Variants in GALNT7 observed in about 807,000 individuals in gnomAD.
The protein encoded by GALNT7 is N-acetylgalactosaminyltransferase 7.
A neutral mutation model predicts 82.1 loss-of-function variants in GALNT7; 60 were observed. The observed-to-expected ratio is 0.73, with a 90% CI of 0.59 to 0.91. The LOEUF (loss-of-function observed/expected upper bound fraction) is 0.91, where lower values mean the gene tolerates loss of function less well. Among genes scored for constraint, GALNT7 ranks in the 40% least tolerant of loss-of-function variants. The pLI, the probability that GALNT7 is intolerant of heterozygous loss-of-function variation, is 0.00. For missense variants in GALNT7, 660 were observed against 804.2 expected, an observed-to-expected ratio of 0.82 and a Z score of 2.17; for synonymous variants, 243 against 275.1, an observed-to-expected ratio of 0.88 and a Z score of 1.15.
intron 2 of GALNT7, among the ~76,000 whole-genome samples, chr4:173,266,537 G>A (rs1406638946): frequency 1.3e-5 from 2 of 152,110 alleles, no homozygotes; most frequent in African/African-American, 4.8e-5. Context: ...ACATTTTATA[G>A]TAATAAAAAT....
intron 2 of GALNT7, among the ~76,000 whole-genome samples, chr4:173,255,985 C>T (rs374551035): frequency 1.2e-4 from 18 of 152,128 alleles, no homozygotes; most frequent in African/African-American, 4.3e-4. Context: ...GAAATTATAT[C>T]AATTCAGTGT....
chr4:173,312,556 C>T (rs1208775601), intron 8 of GALNT7, among the ~76,000 whole-genome samples: 1 of 152,230 alleles, frequency 6.6e-6, no homozygotes, highest in African/African-American at 2.4e-5. Flanking sequence ...CAGGCCCTGC[C>T]TCCCAGCATT....
intron 1 of GALNT7, among the ~76,000 whole-genome samples, chr4:173,189,503 A>G (rs538916965): frequency 3.6e-4 from 55 of 152,372 alleles, no homozygotes; most frequent in Non-Finnish European, 6.9e-4. Flanking sequence ...GGAAATATCA[A>G]AATAGTTCCT....
At chr4:173,206,179 C>T (rs1233316446) in intron 1 of GALNT7, among the ~76,000 whole-genome samples, 1 of 152,148 alleles carries the variant, frequency 6.6e-6, no homozygotes, top group Non-Finnish European at 1.5e-5. Flanking sequence ...TTCATTTTGC[C>T]GGCAGATCCA....
chr4:173,169,833 C>A (rs1731794289), intron 1 of GALNT7, among the ~76,000 whole-genome samples: 1 of 151,940 alleles, frequency 6.6e-6, no homozygotes, highest in Non-Finnish European at 1.5e-5. Context: ...CTGCTTGGGC[C>A]GGAAAACTAA....
chr4:173,239,952 C>G (rs564157215), intron 1 of GALNT7, among the ~76,000 whole-genome samples: 9 of 152,094 alleles, frequency 5.9e-5, no homozygotes, highest in Non-Finnish European at 1.2e-4. Flanking sequence ...GTAAATATAA[C>G]GGATTTGTTA....
At chr4:173,313,214 C>T (rs917104958) in intron 8 of GALNT7, among the ~76,000 whole-genome samples, 7 of 151,944 alleles carry the variant, frequency 4.6e-5, no homozygotes, top group Non-Finnish European at 7.4e-5. Flanking sequence ...TTTTGTTTCT[C>T]ATGATGGTTT....
chr4:173,207,391 T>A (rs1733133744), intron 1 of GALNT7, among the ~76,000 whole-genome samples: 1 of 152,254 alleles, frequency 6.6e-6, no homozygotes, highest in African/African-American at 2.4e-5. Flanking sequence ...TTTCTACATT[T>A]ATGTATATAT....
chr4:173,263,364 G>C (rs1249101424), intron 2 of GALNT7, among the ~76,000 whole-genome samples: 1 of 152,174 alleles, frequency 6.6e-6, no homozygotes, highest in Non-Finnish European at 1.5e-5. Flanking sequence ...CAGAGATTCT[G>C]TGCTTAGTGA....
chr4:173,252,221 A>T (rs1734871225), intron 2 of GALNT7, among the ~76,000 whole-genome samples: 1 of 152,168 alleles, frequency 6.6e-6, no homozygotes, highest in African/African-American at 2.4e-5. Flanking sequence ...GCACATGAGG[A>T]TGCACCCTTC....
In GALNT7 at chr4:173,254,653, A is replaced by C. The variant is rs28535337; in HGVS notation, c.587+6213A>C. Among the ~76,000 whole-genome samples the C allele has an allele frequency of 2.7e-3, 405 of 152,328 alleles. 3 individuals are homozygous for C. Among genetic ancestry groups the C allele is most frequent in the African/African-American group, 9.3e-3 (388 of 41,574 alleles). On this transcript the variant is annotated intron_variant, in intron 2 of 11. Transcript: ENST00000265000. ...CTTTGCCCTAGTTTCTGTTTTTGGA[A>C]TATGTGGTGGTTCTATGTGACCATC...
intron 2 of GALNT7, among the ~76,000 whole-genome samples, chr4:173,261,263 C>T (rs1480011568): frequency 6.6e-6 from 1 of 152,140 alleles, no homozygotes; most frequent in Non-Finnish European, 1.5e-5. Flanking sequence ...ACTCATTCAC[C>T]CTAGGCTATG....
At chr4:173,242,899 AT>A (rs1417069371) in intron 1 of GALNT7, among the ~76,000 whole-genome samples, 1 of 152,166 alleles carries the variant, frequency 6.6e-6, no homozygotes, top group South Asian at 2.1e-4. Flanking sequence ...TGCTGATAGG[AT>A]TTTTCTGAAG....
chr4:173,220,877 A>G (rs1262631083), intron 1 of GALNT7, among the ~76,000 whole-genome samples: 4 of 152,260 alleles, frequency 2.6e-5, no homozygotes, highest in African/African-American at 9.6e-5. Flanking sequence ...TATATGTGCT[A>G]CATTTTCTTA....
intron 1 of GALNT7, among the ~76,000 whole-genome samples, chr4:173,230,139 G>A (rs1733981781): frequency 6.6e-6 from 1 of 152,204 alleles, no homozygotes. Flanking sequence ...AGACTTGCCA[G>A]TGTAGTCTTC....
At chr4:173,285,360 G>T (rs188665539) in intron 2 of GALNT7, among the ~76,000 whole-genome samples, 1 of 152,190 alleles carries the variant, frequency 6.6e-6, no homozygotes, top group African/African-American at 2.4e-5. Flanking sequence ...TCCTTTCAGC[G>T]TAGTTAGGAG....
chr4:173,224,990 G>T (rs1040089568), intron 1 of GALNT7, among the ~76,000 whole-genome samples: 1 of 150,134 alleles, frequency 6.7e-6, no homozygotes, highest in Non-Finnish European at 1.5e-5. Flanking sequence ...ACTCTAGCCT[G>T]GACGACAGAG....
At position 173,215,416 on chromosome 4, in the gene GALNT7, A is replaced by G. The variant is rs184000923; in HGVS notation, c.127-32564A>G. On this transcript the variant is annotated intron_variant, in intron 1 of 11. Coordinates refer to ENST00000265000, the MANE Select transcript of GALNT7 (RefSeq NM_017423.3). Reference sequence around the variant, plus strand: ...TGGCTACTTTTTGTATTTTTAGTAGAGACGGGGGTTCACCATGTTGCCCAG... The same window carrying G: ...TGGCTACTTTTTGTATTTTTAGTAGGGACGGGGGTTCACCATGTTGCCCAG... Among the ~76,000 whole-genome samples, 527 of 152,078 alleles carry G rather than the reference A, an allele frequency of 3.5e-3. 2 individuals are homozygous for G. Among genetic ancestry groups the G allele is most frequent in the African/African-American group, 0.012 (501 of 41,500 alleles).
chr4:173,184,101 C>T (rs1236653830), intron 1 of GALNT7, among the ~76,000 whole-genome samples: 1 of 150,998 alleles, frequency 6.6e-6, no homozygotes, highest in East Asian at 2.0e-4. Context: ...AAGAGGCTCT[C>T]CTCACTTCCC....
Sources: gnomAD v4.1 joint callset for allele counts (sites outside exome capture counted in the v4.1 genomes callset) on GRCh38, gnomAD v4.1.1 for gene constraint, MANE v1.5 for transcripts, NCBI Gene and HGNC (gene_info 2026-07-23, HGNC 2026-07-21) for gene names.